Variants in NRXN3 observed in about 807,000 individuals in gnomAD.
NRXN3 encodes the protein neurexin 3.
In NRXN3, 32 loss-of-function variants were observed where a neutral mutation model predicts 137.6. The ratio of observed to expected loss-of-function variants is 0.23; its 90% CI spans 0.18 to 0.31. NRXN3 has a LOEUF of 0.31. NRXN3 is among the 10% of genes least tolerant of loss of function. NRXN3 has a pLI of 1.00. For synonymous variants in NRXN3, 798 were observed against 784.5 expected (o/e 1.02, Z -0.29); for missense variants, 1,574 against 2,062.5 (o/e 0.76, Z 4.59).
chr14:78,768,103 G>A (rs1355163846), intron 8 of NRXN3, among the ~76,000 whole-genome samples: 1 of 147,614 alleles, frequency 6.8e-6, no homozygotes, highest in African/African-American at 2.5e-5. Flanking sequence ...AGTACAGATA[G>A]GTAACTAGGG....
chr14:79,372,126 A>G (rs2094129721), intron 15 of NRXN3, among the ~76,000 whole-genome samples: 1 of 121,120 alleles, frequency 8.3e-6, no homozygotes, highest in East Asian at 2.3e-4. Flanking sequence ...CACATACTTA[A>G]GACACACATA....
chr14:78,256,535 T>A (rs1303533024), intron 2 of NRXN3, among the ~76,000 whole-genome samples: 1 of 152,212 alleles, frequency 6.6e-6, no homozygotes, highest in African/African-American at 2.4e-5. Context: ...CCCACCCTCA[T>A]GTTTGATTAT....
At chr14:79,715,189 G>A (rs960799279) in intron 19 of NRXN3, among the ~76,000 whole-genome samples, 3 of 152,058 alleles carry the variant, frequency 2.0e-5, no homozygotes, top group Non-Finnish European at 2.9e-5. Flanking sequence ...TCCTGACCTC[G>A]TGATCCACCC....
At chr14:79,002,890 A>G (rs998240743) in intron 15 of NRXN3, among the ~76,000 whole-genome samples, 7 of 152,236 alleles carry the variant, frequency 4.6e-5, no homozygotes, top group Admixed American at 2.0e-4. Flanking sequence ...TTGTGTTTTG[A>G]TAAGTCCGTA....
intron 16 of NRXN3, among the ~76,000 whole-genome samples, chr14:79,523,709 G>T (rs2097092118): frequency 6.6e-6 from 1 of 152,190 alleles, no homozygotes; most frequent in African/African-American, 2.4e-5. Context: ...ACCTGATTTG[G>T]GTAATGAAGG....
Position 78,524,549 on chromosome 14 carries a change from G to A in NRXN3, c.758-120571G>A, listed in dbSNP as rs2096346475. Among the ~76,000 whole-genome samples the A allele has an allele frequency of 3.9e-5, 6 of 152,230 alleles. No homozygotes were observed. The South Asian group carries it at 1.2e-3, about 32-fold the overall frequency. ...ACCGATTGAATCAGGTTCTTTTAGTGTAGGGTGCAGGAATTTTTTTTTATA... is the reference window on the plus strand; with the variant it reads ...ACCGATTGAATCAGGTTCTTTTAGTATAGGGTGCAGGAATTTTTTTTTATA... On this transcript the variant is annotated intron_variant, in intron 4 of 20. Coordinates refer to ENST00000335750, the MANE Select transcript of NRXN3 (RefSeq NM_001330195.2).
chr14:78,537,525 G>A (rs528693068), intron 4 of NRXN3, among the ~76,000 whole-genome samples: 17 of 152,244 alleles, frequency 1.1e-4, no homozygotes, highest in African/African-American at 4.1e-4. Context: ...TGTCAGATGG[G>A]TAGGTTGCAA....
intron 17 of NRXN3, among the ~76,000 whole-genome samples, chr14:79,667,702 A>C (rs1457574253): frequency 6.6e-6 from 1 of 152,128 alleles, no homozygotes; most frequent in Admixed American, 6.5e-5. Flanking sequence ...GAAATAAAAG[A>C]AGAATCAGCC....
chr14:78,450,041 C>G (rs1345851611), intron 4 of NRXN3, among the ~76,000 whole-genome samples: 1 of 152,138 alleles, frequency 6.6e-6, no homozygotes, highest in Non-Finnish European at 1.5e-5. Context: ...AGGTGAATGC[C>G]TGAGGCATAT....
intron 3 of NRXN3, among the ~76,000 whole-genome samples, chr14:78,289,175 A>G (rs1280631033): frequency 1.3e-5 from 2 of 152,216 alleles, no homozygotes; most frequent in African/African-American, 4.8e-5. Context: ...AAGCTTGCAT[A>G]AAAGCCAAAA....
In NRXN3 at chr14:79,643,020, A is replaced by T. The variant is rs1489087861; in HGVS notation, c.3445-20758A>T. On this transcript the variant is annotated intron_variant, in intron 16 of 20. Coordinates refer to ENST00000335750, the MANE Select transcript of NRXN3 (RefSeq NM_001330195.2). ...CAGAACAAAATTCTTCTGTTAGCTA[A>T]TTTCACTAGCCATCATATGATTTAG... Among the ~76,000 whole-genome samples the T allele has an allele frequency of 1.5e-5, 2 of 135,612 alleles. 1 individual carries two copies. Among genetic ancestry groups the T allele is most frequent in the Non-Finnish European group, 3.4e-5 (2 of 58,256 alleles). The allele number at this position is 135,612 out of a possible 152,430, so 89.0% of individuals were successfully genotyped here.
chr14:79,010,933 A>G (rs534163055), intron 15 of NRXN3, among the ~76,000 whole-genome samples: 1 of 152,150 alleles, frequency 6.6e-6, no homozygotes, highest in Non-Finnish European at 1.5e-5. Flanking sequence ...TGGCACAAAA[A>G]AAGAATTGTG....
intron 15 of NRXN3, among the ~76,000 whole-genome samples, chr14:79,272,216 G>T (rs1326105296): frequency 3.0e-5 from 4 of 132,590 alleles, no homozygotes; most frequent in African/African-American, 5.7e-5. Context: ...TTTGGTTTAG[G>T]TTTTTTTTTT....
At chr14:79,127,182 A>G (rs1203994300) in intron 15 of NRXN3, among the ~76,000 whole-genome samples, 1 of 152,124 alleles carries the variant, frequency 6.6e-6, no homozygotes, top group Non-Finnish European at 1.5e-5. Flanking sequence ...TAGTTTAATT[A>G]GATCCCATTT....
At chr14:78,305,308 G>A (rs1406197465) in intron 4 of NRXN3, among the ~76,000 whole-genome samples, 1 of 152,044 alleles carries the variant, frequency 6.6e-6, no homozygotes, top group Non-Finnish European at 1.5e-5. Flanking sequence ...TAGGGCGGCC[G>A]GGCAGCAGGG....
chr14:78,503,918 G>A (rs1427069885), intron 4 of NRXN3, among the ~76,000 whole-genome samples: 2 of 152,122 alleles, frequency 1.3e-5, no homozygotes, highest in Admixed American at 1.3e-4. Flanking sequence ...TTTCCAGAAT[G>A]TGTTTCATAA....
At chr14:79,474,484 A>G (rs975664660) in intron 16 of NRXN3, among the ~76,000 whole-genome samples, 22 of 152,278 alleles carry the variant, frequency 1.4e-4, no homozygotes, top group Non-Finnish European at 1.8e-4. Context: ...TGAATTAACC[A>G]GATTCACAAT....
chr14:78,296,023 TA>T (rs1305133706), intron 3 of NRXN3, among the ~76,000 whole-genome samples: 1 of 151,806 alleles, frequency 6.6e-6, no homozygotes, highest in East Asian at 1.9e-4. Flanking sequence ...AGATCTTCCT[TA>T]TTCTTTTCTT....
At position 79,342,623 on chromosome 14, in the gene NRXN3, C is replaced by T. The variant is rs907885621; in HGVS notation, c.3263-124598C>T. 7.9e-5 allele frequency among the ~76,000 whole-genome samples: 12 copies of T among 152,040 alleles called. No individual in the cohort carries two copies. In the East Asian group the frequency reaches 2.3e-3, roughly 29 times the overall value. On this transcript the variant is annotated intron_variant, in intron 15 of 20. Coordinates refer to ENST00000335750, the MANE Select transcript of NRXN3 (RefSeq NM_001330195.2). ...ATTGGAGAATTTCTATTTATTTTCCCAGGGGAACCCTTTGGAGTTCTGTCC... is the reference window on the plus strand; with the variant it reads ...ATTGGAGAATTTCTATTTATTTTCCTAGGGGAACCCTTTGGAGTTCTGTCC...
Sources: allele counts gnomAD v4.1 joint callset (sites outside exome capture counted in the v4.1 genomes callset), GRCh38; gene constraint gnomAD v4.1.1; transcripts MANE v1.5; gene names NCBI Gene and HGNC (gene_info 2026-07-23, HGNC 2026-07-21).